The following LMO7 variants were observed in gnomAD, a reference collection of about 807,000 sequenced individuals.
LMO7 encodes LIM domain 7.
LMO7 carries 120 observed loss-of-function variants against 206.5 expected under a neutral mutation model. The ratio of observed to expected loss-of-function variants is 0.58; its 90% CI spans 0.50 to 0.68. The LOEUF (loss-of-function observed/expected upper bound fraction) is 0.68. Ranked by LOEUF, LMO7 falls within the 30% of genes least tolerant of loss-of-function variation. LMO7 has a pLI of 0.00. For missense variants in LMO7, 1,959 were observed against 1,957.9 expected, an observed-to-expected ratio of 1.00 and a Z score of -0.01; for synonymous variants, 706 against 681.5, an observed-to-expected ratio of 1.04 and a Z score of -0.56.
chr13:75,642,369 C>T (rs1403337373), intron 1 of LMO7, among the ~76,000 whole-genome samples: 1 of 142,840 alleles, frequency 7.0e-6, no homozygotes, highest in Admixed American at 7.5e-5. Flanking sequence ...CTTTGGGAGG[C>T]TAAGGAGGGA....
chr13:75,713,057 TAACAGTCTATATATGCA>T (rs141666715), intron 1 of LMO7, 108 bp from the exon 2 acceptor site: 27,739 of 609,564 alleles, frequency 0.046, 1,308 homozygotes, highest in African/African-American at 0.19. Context: ...TTATAGGATA[TAACAGTCTATATATGCA>T]AATCCTTCAA....
chr13:75,858,000 A>C lies in LMO7; in HGVS notation c.*57A>C, dbSNP rs775046865. Reference sequence around the variant, plus strand: ...ATAGAAGAAGAGGTGGTTGCTGCTCATGTAGATCTATAAATATGTGTTGTA... The same window carrying C: ...ATAGAAGAAGAGGTGGTTGCTGCTCCTGTAGATCTATAAATATGTGTTGTA... On this transcript the variant is annotated 3_prime_UTR_variant, in exon 31 of 31. Coordinates refer to ENST00000377534, the MANE Select transcript of LMO7 (RefSeq NM_001306080.2). 8 of 1,600,916 alleles carry C rather than the reference A, an allele frequency of 5.0e-6. No homozygotes were observed. The South Asian group carries it at 8.9e-5, about 18-fold the overall frequency.
intron 3 of LMO7, among the ~76,000 whole-genome samples, chr13:75,759,968 C>G (rs1047225509): frequency 2.0e-5 from 3 of 152,120 alleles, no homozygotes; most frequent in African/African-American, 7.2e-5. Context: ...TGGGAGGCCA[C>G]CCCTTTACCA....
intron 24 of LMO7, among the ~76,000 whole-genome samples, chr13:75,842,266 C>G (rs2139262030): frequency 6.6e-6 from 1 of 152,310 alleles, no homozygotes; most frequent in South Asian, 2.1e-4. Context: ...TACTCTTCCC[C>G]TTACTCACTC....
At position 75,713,307 on chromosome 13, in the gene LMO7, T is replaced by A. The variant is rs1594456007; in HGVS notation, c.140+55T>A. ...TCAAAAGCAAAGATATGTGTGTGTG[T>A]GAGTGATGAGGTGTTTGGCTCCTCC... On this transcript the variant is annotated intron_variant, in intron 2 of 30. Coordinates refer to ENST00000377534, the MANE Select transcript of LMO7 (RefSeq NM_001306080.2). The A allele has an allele frequency of 1.0e-6, 1 of 962,862 alleles. No homozygotes were observed. The highest frequency in any genetic ancestry group is 1.5e-6 in the Non-Finnish European group (1 of 668,574). 59.6% of individuals were successfully genotyped at this position (962,862 alleles called of 1,614,324 possible). A position where few individuals can be genotyped will look rare whatever the true frequency, so the allele number is the denominator to read the frequency against.
intron 1 of LMO7, among the ~76,000 whole-genome samples, chr13:75,707,394 T>G (rs2042738020): frequency 1.3e-5 from 2 of 152,142 alleles, no homozygotes; most frequent in South Asian, 4.1e-4. Flanking sequence ...AAATCCACTT[T>G]TATGACATGA....
chr13:75,668,045 T>A (rs973913942), intron 1 of LMO7, among the ~76,000 whole-genome samples: 1 of 152,106 alleles, frequency 6.6e-6, no homozygotes, highest in Non-Finnish European at 1.5e-5. Flanking sequence ...CTGTCTCTAC[T>A]AAAAATACAA....
chr13:75,749,832 C>CT (rs35260978), intron 3 of LMO7, among the ~76,000 whole-genome samples: 2,205 of 144,720 alleles, frequency 0.015, 55 homozygotes, highest in African/African-American at 0.05. Flanking sequence ...TCACCCCCAC[C>CT]TTTTTTTTTT....
chr13:75,842,674 A>G (rs1260596346), intron 24 of LMO7, among the ~76,000 whole-genome samples, 177 bp from the exon 25 acceptor site: 1 of 152,190 alleles, frequency 6.6e-6, no homozygotes, highest in East Asian at 1.9e-4. Flanking sequence ...TCTGTTGGCA[A>G]TAGTGGGTCT....
intron 15 of LMO7, among the ~76,000 whole-genome samples, chr13:75,825,009 G>A (rs1371708765): frequency 6.6e-6 from 1 of 151,976 alleles, no homozygotes; most frequent in African/African-American, 2.4e-5. Flanking sequence ...ATGCAGGAAA[G>A]TATAAATAAT....
chr13:75,818,632 G>A (rs543952713), intron 12 of LMO7, among the ~76,000 whole-genome samples: 1 of 152,300 alleles, frequency 6.6e-6, no homozygotes, highest in East Asian at 1.9e-4. Flanking sequence ...ATGGGGGACA[G>A]GTGTTGGTTT....
chr13:75,749,085 T>A (rs1266153816), intron 3 of LMO7, among the ~76,000 whole-genome samples: 1 of 152,044 alleles, frequency 6.6e-6, no homozygotes, highest in African/African-American at 2.4e-5. Context: ...GGATTAAAAG[T>A]GAATCAGCCT....
chr13:75,801,999 A>G (rs2140948272), intron 7 of LMO7, among the ~76,000 whole-genome samples: 1 of 151,480 alleles, frequency 6.6e-6, no homozygotes, highest in South Asian at 2.1e-4. Flanking sequence ...TCCTTTCTCT[A>G]TTATAATTTA....
chr13:75,723,049 T>G (rs573712149), intron 2 of LMO7, among the ~76,000 whole-genome samples: 7 of 152,044 alleles, frequency 4.6e-5, no homozygotes, highest in African/African-American at 1.7e-4. Flanking sequence ...GATAAAAGAC[T>G]ACATATTGCG....
At chr13:75,739,255 A>G (rs2046219976) in intron 3 of LMO7, among the ~76,000 whole-genome samples, 1 of 152,222 alleles carries the variant, frequency 6.6e-6, no homozygotes, top group African/African-American at 2.4e-5. Context: ...GAAAATTTGG[A>G]TTGAATCAAA....
At chr13:75,838,652 AAG>A (rs907940712) in intron 20 of LMO7, among the ~76,000 whole-genome samples, 2 of 152,134 alleles carry the variant, frequency 1.3e-5, no homozygotes, top group African/African-American at 4.8e-5. Flanking sequence ...GTTAATAAAG[AAG>A]AGTTATTTTT....
chr13:75,628,486 T>TG (rs2034495511), intron 2 of LMO7: 1 of 152,254 alleles, frequency 6.6e-6, no homozygotes, highest in South Asian at 2.1e-4. Context: ...TTACTGACAC[T>TG]GAAGGATGTA....
At chr13:75,771,509 A>G (rs2049663741) in intron 4 of LMO7, among the ~76,000 whole-genome samples, 1 of 31,820 alleles carries the variant, frequency 3.1e-5, no homozygotes, top group African/African-American at 1.4e-4. Flanking sequence ...TTTGACCTTT[A>G]TAGCACTGGC....
intron 11 of LMO7, among the ~76,000 whole-genome samples, chr13:75,810,249 G>A (rs919737845): frequency 1.3e-5 from 2 of 152,218 alleles, no homozygotes; most frequent in Non-Finnish European, 2.9e-5. Flanking sequence ...GAGGAAGAGA[G>A]TTAAAGGATG....
Sources: allele counts gnomAD v4.1 joint callset (sites outside exome capture counted in the v4.1 genomes callset), GRCh38; gene constraint gnomAD v4.1.1; transcripts MANE v1.5; gene names NCBI Gene and HGNC (gene_info 2026-07-23, HGNC 2026-07-21).